The following CSMD1 variants were observed in gnomAD, a reference collection of about 807,000 sequenced individuals.
CSMD1 encodes CUB and sushi domain-containing protein 1.
CSMD1 carries 213 observed loss-of-function variants against 417.5 expected under a neutral mutation model. The observed-to-expected ratio is 0.51, with a 90% confidence interval of 0.46 to 0.57. The LOEUF (loss-of-function observed/expected upper bound fraction) is 0.57. CSMD1 is among the 20% of genes least tolerant of loss of function. CSMD1 has a pLI of 0.00. For synonymous variants in CSMD1, 2,862 were observed against 1,736.8 expected (o/e 1.65, Z -16.11); for missense variants, 6,923 against 4,529.7 (o/e 1.53, Z -15.17).
In CSMD1 at chr8:3,000,039, G is replaced by T. The variant is rs369017239; in HGVS notation, c.8122C>A (p.Pro2708Thr). Reference protein sequence around the residue: ...YRDTVVYQCNPGFRLVGTSVR... With the variant: ...YRDTVVYQCNTGFRLVGTSVR... ...GAAGTTCCCACAAGCCGGAAACCAG[G>T]ATTGCACTGGTAAACCACCGTGTCT... Residue 2708 changes from proline to threonine, a missense_variant, in exon 53 of 70, where the codon CCT (proline) becomes ACT (threonine). Transcript: ENST00000635120. The T allele has an allele frequency of 1.0e-5, 16 of 1,605,536 alleles. No individual in the cohort carries two copies. Among genetic ancestry groups the T allele is most frequent in the Non-Finnish European group, 1.3e-5 (15 of 1,178,228 alleles).
intron 3 of CSMD1, among the ~76,000 whole-genome samples, chr8:4,037,168 T>C (rs1281675262): frequency 1.3e-5 from 2 of 152,252 alleles, no homozygotes; most frequent in African/African-American, 2.4e-5. Context: ...TGTGTCAGTG[T>C]TCAATATTAG....
chr8:3,045,681 A>T (rs534940035), intron 50 of CSMD1, among the ~76,000 whole-genome samples: 23 of 152,314 alleles, frequency 1.5e-4, no homozygotes, highest in African/African-American at 5.5e-4. Context: ...CATCAGATTT[A>T]AAAATCATGA....
chr8:3,263,661 T>C (rs776484439), intron 26 of CSMD1, among the ~76,000 whole-genome samples: 8 of 152,202 alleles, frequency 5.3e-5, no homozygotes, highest in South Asian at 2.1e-4. Context: ...AATTAGAAAA[T>C]GTAAAACATA....
chr8:3,301,098 A>T (rs1288481608), intron 25 of CSMD1, among the ~76,000 whole-genome samples: 1 of 152,112 alleles, frequency 6.6e-6, no homozygotes, highest in African/African-American at 2.4e-5. Flanking sequence ...ATTGATGTCT[A>T]TAGGGGAATA....
At chr8:3,441,656 A>T (rs1039238600) in intron 12 of CSMD1, among the ~76,000 whole-genome samples, 1 of 152,092 alleles carries the variant, frequency 6.6e-6, no homozygotes, top group Non-Finnish European at 1.5e-5. Flanking sequence ...AGCACAATGC[A>T]TTGCGCATGT....
chr8:4,031,931 C>G lies in CSMD1; in HGVS notation c.584G>C (p.Trp195Ser). The change falls in exon 4 of 70, where the codon TGG becomes TCG. Residue 195 changes from tryptophan (W) to serine (S), a missense_variant. Trp to Ser is a radical substitution (Grantham distance 177). Coordinates refer to ENST00000635120, the MANE Select transcript of CSMD1 (RefSeq NM_033225.6). ...CIVSPGNGAS[W>S]DFPAPFCRAE... ...TCTGCAAAAGGGAGCTGGGAAGTCCCACGATGCACCATTTCCTGGGCTGAC... is the reference window on the plus strand; with the variant it reads ...TCTGCAAAAGGGAGCTGGGAAGTCCGACGATGCACCATTTCCTGGGCTGAC... 1 of 1,613,736 alleles carries G rather than the reference C, an allele frequency of 6.2e-7. No individual in the cohort carries two copies. Among genetic ancestry groups the G allele is most frequent in the South Asian group, 1.1e-5 (1 of 91,052 alleles).
At chr8:3,542,788 C>A (rs1798494630) in intron 10 of CSMD1, among the ~76,000 whole-genome samples, 1 of 152,322 alleles carries the variant, frequency 6.6e-6, no homozygotes, top group South Asian at 2.1e-4. Context: ...TTCCCCAGGA[C>A]AGGATATCCT....
At chr8:3,428,171 A>T (rs577406834) in intron 12 of CSMD1, among the ~76,000 whole-genome samples, 158 of 152,074 alleles carry the variant, frequency 1.0e-3, no homozygotes, top group Non-Finnish European at 1.7e-3. Context: ...TTTCAACTAT[A>T]TGGTTGGGGA....
chr8:4,906,788 G>T (rs1805310856), intron 1 of CSMD1, among the ~76,000 whole-genome samples: 1 of 152,156 alleles, frequency 6.6e-6, no homozygotes, highest in African/African-American at 2.4e-5. Flanking sequence ...TCCAACTCTT[G>T]ACCTCGTGAT....
intron 1 of CSMD1, among the ~76,000 whole-genome samples, chr8:4,660,016 A>G (rs1804489658): frequency 6.6e-6 from 1 of 151,832 alleles, no homozygotes. Context: ...CTATAATTAT[A>G]CTTAATAGTG....
chr8:4,007,294 G>C lies in CSMD1; in HGVS notation c.611-9184C>G, dbSNP rs1330035378. Among the ~76,000 whole-genome samples the C allele has an allele frequency of 4.6e-5, 7 of 152,292 alleles. No homozygotes were observed. In the East Asian group the frequency reaches 1.2e-3, roughly 25 times the overall value. On this transcript the variant is annotated intron_variant, in intron 4 of 69. Coordinates refer to ENST00000635120, the MANE Select transcript of CSMD1 (RefSeq NM_033225.6). ...GCCCTGAAAGGCATTATGTGAGCTG[G>C]AATGTTGGCTTCTTCTGTTCCTCAT...
chr8:3,624,071 A>G (rs1199001490), intron 7 of CSMD1, among the ~76,000 whole-genome samples: 2 of 152,150 alleles, frequency 1.3e-5, no homozygotes. Context: ...AACTAAAGAG[A>G]CACTTTTGGT....
chr8:4,797,475 C>A (rs755527094), intron 1 of CSMD1, among the ~76,000 whole-genome samples: 2 of 152,042 alleles, frequency 1.3e-5, no homozygotes, highest in African/African-American at 4.8e-5. Context: ...ATTATGTTGG[C>A]GCAAAAGTCA....
intron 25 of CSMD1, among the ~76,000 whole-genome samples, chr8:3,297,460 T>C (rs1366874690): frequency 2.6e-5 from 4 of 152,188 alleles, no homozygotes; most frequent in Non-Finnish European, 4.4e-5. Context: ...GGTTTTGTAC[T>C]AGATAAGCAA....
intron 1 of CSMD1, among the ~76,000 whole-genome samples, chr8:4,894,360 A>C (rs549616720): frequency 4.6e-5 from 7 of 152,110 alleles, no homozygotes; most frequent in Admixed American, 2.6e-4. Context: ...GATTCTTAAA[A>C]ACACTTAGAT....
chr8:4,298,183 C>G (rs898176086), intron 3 of CSMD1, among the ~76,000 whole-genome samples: 2 of 152,030 alleles, frequency 1.3e-5, no homozygotes, highest in Non-Finnish European at 2.9e-5. Context: ...TTTGAGGAAT[C>G]TGCCTTAGTT....
chr8:3,679,750 C>T (rs2128074), intron 7 of CSMD1, among the ~76,000 whole-genome samples: 41,582 of 152,084 alleles, frequency 0.27, 7,001 homozygotes, highest in Admixed American at 0.42. Flanking sequence ...CAGCATCACA[C>T]CACACTTATT....
At chr8:3,965,889 C>A (rs1003504443) in intron 5 of CSMD1, among the ~76,000 whole-genome samples, 5 of 152,084 alleles carry the variant, frequency 3.3e-5, no homozygotes, top group Admixed American at 1.3e-4. Flanking sequence ...AGTGCTAGGA[C>A]TACAGGTATG....
intron 25 of CSMD1, among the ~76,000 whole-genome samples, chr8:3,286,334 A>G (rs1803155876): frequency 6.6e-6 from 1 of 152,130 alleles, no homozygotes; most frequent in Non-Finnish European, 1.5e-5. Context: ...TCCTTTGGGT[A>G]TATACCCAGT....
Sources: allele counts gnomAD v4.1 joint callset (sites outside exome capture counted in the v4.1 genomes callset), GRCh38; gene constraint gnomAD v4.1.1; transcripts MANE v1.5; gene names NCBI Gene and HGNC (gene_info 2026-07-23, HGNC 2026-07-21).